Variants in AHNAK2 observed in about 807,000 individuals in gnomAD.
AHNAK2 encodes the protein AHNAK nucleoprotein 2, also known as protein AHNAK2.
In AHNAK2, 18 loss-of-function variants were observed where a neutral mutation model predicts 30.7. The ratio of observed to expected loss-of-function variants is 0.59; its 90% CI spans 0.41 to 0.87. The LOEUF is 0.87. Among genes scored for constraint, AHNAK2 ranks in the 40% least tolerant of loss-of-function variants. The pLI is 0.00. For synonymous variants in AHNAK2, 3,590 were observed against 3,073.8 expected (o/e 1.17, Z -5.56); for missense variants, 8,604 against 7,373.0 (o/e 1.17, Z -6.11).
In AHNAK2 at chr14:104,950,254, C is replaced by G. The variant is rs369615995; in HGVS notation, c.5197G>C (p.Glu1733Gln). The change falls in exon 7 of 7, where the codon GAG becomes CAG. Residue 1733 changes from glutamate to glutamine, a missense_variant. Transcript: ENST00000333244. ...AGGTGCCCTTTGAAGCCGGCTCCCTCGGGAAGGGGGCCCTCCGGGAGTTTC... is the reference window on the plus strand; with the variant it reads ...AGGTGCCCTTTGAAGCCGGCTCCCTGGGGAAGGGGGCCCTCCGGGAGTTTC... ...NVKLPEGPLP[E>Q]GAGFKGHLPK... is the part of the protein sequence containing the mutation. The G allele has an allele frequency of 3.2e-6, 5 of 1,585,512 alleles. 1 individual carries two copies. Among genetic ancestry groups the G allele is most frequent in the East Asian group, 2.3e-5 (1 of 44,406 alleles).
chr14:104,962,573 G>A (rs1256952671), intron 1 of AHNAK2, among the ~76,000 whole-genome samples: 3 of 152,096 alleles, frequency 2.0e-5, no homozygotes, highest in Non-Finnish European at 4.4e-5. Context: ...TTACAGGCAT[G>A]CGCCATCATG....
At position 104,946,350 on chromosome 14, in the gene AHNAK2, T is replaced by C. The variant is rs1327621649; in HGVS notation, c.9101A>G (p.Gln3034Arg). ...TDISIEPPSA[Q>R]LEVQAGQVDL... Reference sequence around the variant, plus strand: ...CACCTGGCCAGCCTGGACCTCCAGTTGGGCAGAGGGGGGCTCAATGCTGAT... The same window carrying C: ...CACCTGGCCAGCCTGGACCTCCAGTCGGGCAGAGGGGGGCTCAATGCTGAT... The change falls in exon 7 of 7, where the codon CAA becomes CGA. Residue 3034 changes from glutamine to arginine, a missense_variant. By Grantham distance (43) the Gln-to-Arg change is conservative. Transcript: ENST00000333244. The C allele has an allele frequency of 3.1e-6, 5 of 1,611,886 alleles. No homozygotes were observed. The Admixed American group carries it at 8.4e-5, about 27-fold the overall frequency.
rs767278779 is a variant in AHNAK2, at chr14:104,947,927, C to G, written c.7524G>C (p.Val2508=). ...CGTCGGCCTCCACCTTCGGCGCAGA[C>G]ACATCCACCGAGGCCTCGATGGACT... ...PGKSIEASVD[V]SAPKVEADGS... is the part of the protein sequence containing the mutation. Residue 2508 remains valine (V), a synonymous_variant, in exon 7 of 7, where the codon GTG becomes GTC. Coordinates refer to ENST00000333244, the MANE Select transcript of AHNAK2 (RefSeq NM_138420.4). 1 of 1,612,814 alleles carries G rather than the reference C, an allele frequency of 6.2e-7. No individual in the cohort carries two copies. Among genetic ancestry groups the G allele is most frequent in the Non-Finnish European group, 8.5e-7 (1 of 1,179,618 alleles).
chr14:104,965,491 A>C (rs1319512194), intron 1 of AHNAK2, among the ~76,000 whole-genome samples: 1 of 152,126 alleles, frequency 6.6e-6, no homozygotes, highest in Non-Finnish European at 1.5e-5. Flanking sequence ...TCCAGTCTCA[A>C]CCCCACTCTG....
At position 104,943,794 on chromosome 14, in the gene AHNAK2, A is replaced by T; in HGVS notation, c.11657T>A (p.Leu3886Gln). The change falls in exon 7 of 7, where the codon CTG becomes CAG. Residue 3886 changes from leucine to glutamine, a missense_variant. Coordinates refer to ENST00000333244, the MANE Select transcript of AHNAK2 (RefSeq NM_138420.4). ...VPEEAGLKGHLPKVQMPSFKM... is the reference protein window; with the variant it reads ...VPEEAGLKGHQPKVQMPSFKM... Reference sequence around the variant, plus strand: ...GAAACTGGGCATCTGCACCTTGGGCAGGTGTCCTTTGAGGCCGGCTTCCTC... The same window carrying T: ...GAAACTGGGCATCTGCACCTTGGGCTGGTGTCCTTTGAGGCCGGCTTCCTC... 6.2e-7 allele frequency: 1 copy of T among 1,613,070 alleles called. No individual in the cohort carries two copies. Among genetic ancestry groups the T allele is most frequent in the Non-Finnish European group, 8.5e-7 (1 of 1,179,572 alleles).
At position 104,947,933 on chromosome 14, in the gene AHNAK2, C is replaced by T. The variant is rs1898389328; in HGVS notation, c.7518G>A (p.Val2506=). ...CCTCCACCTTCGGCGCAGACACATC[C>T]ACCGAGGCCTCGATGGACTTGCCTG... ...SAPGKSIEAS[V]DVSAPKVEAD... The change falls in exon 7 of 7, where the codon GTG becomes GTA. Residue 2506 remains valine (V), a synonymous_variant. Transcript: ENST00000333244. 3 of 1,612,844 alleles carry T rather than the reference C, an allele frequency of 1.9e-6. No homozygotes were observed. Among genetic ancestry groups the T allele is most frequent in the Non-Finnish European group, 2.5e-6 (3 of 1,179,622 alleles).
chr14:104,975,737 G>T (rs887988113), intron 1 of AHNAK2, among the ~76,000 whole-genome samples: 20 of 151,542 alleles, frequency 1.3e-4, no homozygotes, highest in Non-Finnish European at 2.5e-4. Context: ...CCCAGTCAGG[G>T]AGACACCAGG....
At position 104,937,781 on chromosome 14, in the gene AHNAK2, C is replaced by T. The variant is rs1372796636; in HGVS notation, c.*282G>A. ...TTATCTAATAAAGACCAACAAACTT[C>T]CCCAGCAGTGCCTCTGAGTACCGTG... On this transcript the variant is annotated 3_prime_UTR_variant, in exon 7 of 7. Transcript: ENST00000333244. 1.0e-5 allele frequency: 4 copies of T among 393,302 alleles called. No individual in the cohort carries two copies. Among genetic ancestry groups the T allele is most frequent in the African/African-American group, 6.1e-5 (3 of 49,104 alleles). The allele number at this position is 393,302 out of a possible 1,614,324, so 24.4% of individuals were successfully genotyped here. A position where few individuals can be genotyped will look rare whatever the true frequency, so the allele number is the denominator to read the frequency against.
intron 4 of AHNAK2, 134 bp downstream of exon 4, chr14:104,956,454 C>T (rs947878339): frequency 4.8e-6 from 4 of 829,780 alleles, no homozygotes; most frequent in Non-Finnish European, 5.9e-6. Flanking sequence ...GACAAGAACA[C>T]CCCTCCTCCC....
chr14:104,968,178 A>G (rs954227288), intron 1 of AHNAK2, among the ~76,000 whole-genome samples: 2 of 152,118 alleles, frequency 1.3e-5, no homozygotes, highest in Non-Finnish European at 2.9e-5. Context: ...TACCATTAAC[A>G]TTCCTGCGGG....
rs761855187 is a variant in AHNAK2, at chr14:104,953,376, T to G, written c.2075A>C (p.Lys692Thr). 1.2e-6 allele frequency: 2 copies of G among 1,613,800 alleles called. No homozygotes were observed. The highest frequency in any genetic ancestry group is 2.7e-5 in the African/African-American group (2 of 74,880). The change falls in exon 7 of 7, where the codon AAG (lysine) becomes ACG (threonine). Residue 692 changes from lysine to threonine, a missense_variant. Physicochemically the swap from Lys to Thr is moderately conservative, Grantham distance 78. Coordinates refer to ENST00000333244, the MANE Select transcript of AHNAK2 (RefSeq NM_138420.4). ...MPLFGASAPG[K>T]SMEASVDVSA... is the part of the protein sequence containing the mutation. Reference sequence around the variant, plus strand: ...CACATCCACCGAGGCCTCCATGGACTTGCCTGGGGCTGACGCCCCGAACAA... The same window carrying G: ...CACATCCACCGAGGCCTCCATGGACGTGCCTGGGGCTGACGCCCCGAACAA...
Position 104,952,956 on chromosome 14 carries a change from T to G in AHNAK2, c.2495A>C (p.Lys832Thr), listed in dbSNP as rs770946007. The change falls in exon 7 of 7, where the codon AAG becomes ACG. Residue 832 changes from lysine to threonine, a missense_variant. Transcript: ENST00000333244. ...CATCTTGAACTTGGGCATTTTGAAC[T>G]TGCTGTCTTTGGCAGTCACCTCCTT... ...ADKEVTAKDSKFKMPKFKMPS... is the reference protein window; with the variant it reads ...ADKEVTAKDSTFKMPKFKMPS... 2 of 1,611,890 alleles carry G rather than the reference T, an allele frequency of 1.2e-6. No individual in the cohort carries two copies. Among genetic ancestry groups the G allele is most frequent in the Non-Finnish European group, 1.7e-6 (2 of 1,179,356 alleles).
At chr14:104,961,827 G>T (rs938527195) in intron 1 of AHNAK2, among the ~76,000 whole-genome samples, 47 of 151,916 alleles carry the variant, frequency 3.1e-4, no homozygotes, top group African/African-American at 1.1e-3. Flanking sequence ...TTAAAAATTA[G>T]CCATGCATGG....
In AHNAK2 at chr14:104,954,898, TCAGCCAGCAGGG is replaced by T; in HGVS notation, c.651+47_651+58del. 1.3e-6 allele frequency: 2 copies of T among 1,517,148 alleles called. No homozygotes were observed. Among genetic ancestry groups the T allele is most frequent in the Non-Finnish European group, 1.8e-6 (2 of 1,127,648 alleles). The allele number at this position is 1,517,148 out of a possible 1,614,324, so 94.0% of individuals were successfully genotyped here. On this transcript the variant is annotated intron_variant, in intron 6 of 6. Coordinates refer to ENST00000333244, the MANE Select transcript of AHNAK2 (RefSeq NM_138420.4). The surrounding 1 kb of genome is among the most constrained non-coding windows in gnomAD (Gnocchi z 4.3). ...GTGGGAGTGCTATCCCCTCCCAGGC[TCAGCCAGCAGGG>T]TAGTGAAGCCAGCTGGGGCCCTGCC...
At chr14:104,965,316 A>G (rs568775383) in intron 1 of AHNAK2, among the ~76,000 whole-genome samples, 1 of 150,308 alleles carries the variant, frequency 6.7e-6, no homozygotes, top group South Asian at 2.1e-4. Flanking sequence ...CAGGAGAATC[A>G]CTTGAACCCA....
At chr14:104,958,767 TGAA>T (rs1899051044) in intron 1 of AHNAK2, among the ~76,000 whole-genome samples, 1 of 151,856 alleles carries the variant, frequency 6.6e-6, no homozygotes, top group South Asian at 2.1e-4. Context: ...AAGAGAGAGT[TGAA>T]GAAGTGATAG....
rs757069250 is a variant in AHNAK2, at chr14:104,952,215, C to T, written c.3236G>A (p.Gly1079Glu). Residue 1079 changes from glycine (G) to glutamate (E), a missense_variant, in exon 7 of 7, where the codon GGG becomes GAG. Transcript: ENST00000333244. ...GGGCATCTCCACCTTGGGCAAGTGC[C>T]CTTTAAGGCCAGCTCCCTCGGGCAG... The part of the protein sequence containing the change: ...GHLPEGAGLK[G>E]HLPKVEMPSF... The T allele has an allele frequency of 9.9e-6, 16 of 1,611,604 alleles. No homozygotes were observed. In the South Asian group the frequency reaches 1.3e-4, roughly 13 times the overall value.
In AHNAK2 at chr14:104,952,793, A is replaced by G; in HGVS notation, c.2658T>C (p.Pro886=). The G allele has an allele frequency of 1.2e-6, 2 of 1,611,988 alleles. No individual in the cohort carries two copies. Among genetic ancestry groups the G allele is most frequent in the Non-Finnish European group, 1.7e-6 (2 of 1,179,442 alleles). The change falls in exon 7 of 7, where the codon CCT becomes CCC. Residue 886 remains proline (P), a synonymous_variant. Transcript: ENST00000333244. The stretch of plus-strand genomic sequence containing the variant: ...CAGCCTGGACCTCCAGGTCAGCGGA[A>G]GGGGGCTGAATGCTGAGGTCAGTGG... ...LKATDLSIQP[P]SADLEVQAGQ... is the part of the protein sequence containing the mutation.
rs762879519 is a variant in AHNAK2, at chr14:104,944,413, C to T, written c.11038G>A (p.Asp3680Asn). The T allele has an allele frequency of 1.2e-6, 2 of 1,612,954 alleles. No homozygotes were observed. Among genetic ancestry groups the T allele is most frequent in the East Asian group, 2.2e-5 (1 of 44,776 alleles). The part of the protein sequence containing the change: ...ADVSLPSMQG[D>N]LKTTDLSIQP... ...ATGCTGAGGTCAGTGGTCTTCAGGTCCCCCTGCATGGAGGGGAGACTCACA... is the reference window on the plus strand; with the variant it reads ...ATGCTGAGGTCAGTGGTCTTCAGGTTCCCCTGCATGGAGGGGAGACTCACA... The change falls in exon 7 of 7, where the codon GAC becomes AAC. Residue 3680 changes from aspartate to asparagine, a missense_variant. Transcript: ENST00000333244.
Sources: allele counts gnomAD v4.1 joint callset (sites outside exome capture counted in the v4.1 genomes callset), GRCh38; gene constraint gnomAD v4.1.1; non-coding constraint Gnocchi (gnomAD v3.1); transcripts MANE v1.5; gene names NCBI Gene and HGNC (gene_info 2026-07-23, HGNC 2026-07-21).